The following SMC3 variants were observed in gnomAD, a reference collection of about 807,000 sequenced individuals.
SMC3 encodes structural maintenance of chromosomes 3, also known as structural maintenance of chromosomes protein 3.
A neutral mutation model predicts 171.8 loss-of-function variants in SMC3; 20 were observed. The ratio of observed to expected loss-of-function variants is 0.12; its 90% confidence interval spans 0.08 to 0.17. The LOEUF is 0.17. Among genes scored for constraint, SMC3 ranks in the 10% least tolerant of loss-of-function variants. The probability of loss-of-function intolerance (pLI) is 1.00; values close to 1 mark genes in which losing one functional copy is unlikely to be tolerated. For missense variants in SMC3, 543 were observed against 1,420.4 expected (o/e 0.38, Z 9.93); for synonymous variants, 464 against 451.1 (o/e 1.03, Z -0.36).
Position 110,567,774 on chromosome 10 carries a change from C to G in SMC3, c.-43C>G. On this transcript the variant is annotated 5_prime_UTR_variant, in exon 1 of 29. Coordinates refer to ENST00000361804, the MANE Select transcript of SMC3 (RefSeq NM_005445.4). ...ACCTGACCCTGCGGCCGTGCGGTTG[C>G]TGCTCCGGGGCAGGTCTCCTTCCAG... 5.6e-6 allele frequency: 9 copies of G among 1,612,982 alleles called. No individual in the cohort carries two copies. Among genetic ancestry groups the G allele is most frequent in the Non-Finnish European group, 7.6e-6 (9 of 1,179,502 alleles).
rs757119963 is a variant in SMC3 at position 110,601,036 on chromosome 10, G to A, written c.2550G>A (p.Leu850=). ...LDQVEQELNE[L]RETEGGTVLT... is the part of the protein sequence containing the mutation. The stretch of plus-strand genomic sequence containing the variant: ...TTTTGTTACAGGAACTTAATGAGCT[G>A]AGAGAGACAGAAGGGGGTACTGTTC... Residue 850 remains leucine, a synonymous_variant, in exon 23 of 29, where the codon CTG becomes CTA. Transcript: ENST00000361804. 24 of 1,612,880 alleles carry A rather than the reference G, an allele frequency of 1.5e-5. No homozygotes were observed. The highest frequency in any genetic ancestry group is 1.7e-5 in the Non-Finnish European group (20 of 1,179,068).
At chr10:110,592,263 CAAAA>C (rs58488395) in intron 17 of SMC3, among the ~76,000 whole-genome samples, 3 of 144,414 alleles carry the variant, frequency 2.1e-5, no homozygotes, top group Non-Finnish European at 4.5e-5. Context: ...GACTCCATCT[CAAAA>C]AAAAAAAAAA....
At chr10:110,585,846 G>A (rs1310852201) in intron 13 of SMC3, among the ~76,000 whole-genome samples, 4 of 151,802 alleles carry the variant, frequency 2.6e-5, no homozygotes, top group Non-Finnish European at 5.9e-5. Flanking sequence ...CGCCCAGGCT[G>A]GAGTGCAGTG....
chr10:110,603,685 T>G (rs1275501592), intron 28 of SMC3, among the ~76,000 whole-genome samples: 5 of 152,238 alleles, frequency 3.3e-5, no homozygotes, highest in Non-Finnish European at 5.9e-5. Flanking sequence ...AGGCATGATA[T>G]TTATTTCTTC....
At chr10:110,570,842 A>G (rs1860860595) in intron 2 of SMC3, among the ~76,000 whole-genome samples, 1 of 152,192 alleles carries the variant, frequency 6.6e-6, no homozygotes, top group Non-Finnish European at 1.5e-5. Flanking sequence ...ACCCAAGATA[A>G]CAGTACTGAT....
At position 110,577,446 on chromosome 10, in the gene SMC3, C is replaced by T; in HGVS notation, c.224C>T (p.Ser75Phe). ...GAAGGTACTGGTCCTCGTGTTATTTCTGCTTTTGTGGAGATTATTTTTGAT... is the reference window on the plus strand; with the variant it reads ...GAAGGTACTGGTCCTCGTGTTATTTTTGCTTTTGTGGAGATTATTTTTGAT... ...LHEGTGPRVI[S>F]AFVEIIFDNS... The change falls in exon 5 of 29, where the codon TCT becomes TTT. Residue 75 changes from serine (S) to phenylalanine (F), a missense_variant. This residue lies in a region of SMC3 where 146 missense variants were observed against 437.9 expected (regional missense o/e 0.33). Transcript: ENST00000361804. The T allele has an allele frequency of 6.2e-7, 1 of 1,613,102 alleles. No individual in the cohort carries two copies. The highest frequency in any genetic ancestry group is 8.5e-7 in the Non-Finnish European group (1 of 1,179,330).
At position 110,588,430 on chromosome 10, in the gene SMC3, A is replaced by G. The variant is rs572521189; in HGVS notation, c.1306-1175A>G. 3.3e-5 allele frequency among the ~76,000 whole-genome samples: 5 copies of G among 152,332 alleles called. No individual in the cohort carries two copies. In the East Asian group the frequency reaches 9.6e-4, roughly 29 times the overall value. Reference sequence around the variant, plus strand: ...TGAATAATTGTCAGTACTCTGTGGGAATATTTACAATTACTTTGATATCTG... The same window carrying G: ...TGAATAATTGTCAGTACTCTGTGGGGATATTTACAATTACTTTGATATCTG... On this transcript the variant is annotated intron_variant, in intron 13 of 28. Coordinates refer to ENST00000361804, the MANE Select transcript of SMC3 (RefSeq NM_005445.4).
Position 110,603,175 on chromosome 10 carries a change from T to C in SMC3, c.3476-9T>C. On this transcript the variant is annotated splice_polypyrimidine_tract_variant and intron_variant, in intron 27 of 28. Transcript: ENST00000361804. ...AGAAATTTGTTAAAGCACAATTTTC[T>C]TTTTACAGATATGATTATGGAACTT... 1 of 1,596,118 alleles carries C rather than the reference T, an allele frequency of 6.3e-7. No homozygotes were observed. Among genetic ancestry groups the C allele is most frequent in the Non-Finnish European group, 8.6e-7 (1 of 1,165,110 alleles).
chr10:110,574,348 A>G (rs746620850), intron 3 of SMC3, among the ~76,000 whole-genome samples: 45 of 152,216 alleles, frequency 3.0e-4, no homozygotes, highest in Non-Finnish European at 3.8e-4. Flanking sequence ...TCTGTTAACA[A>G]ATCCTTTGAG....
At position 110,604,979 on chromosome 10, in the gene SMC3, A is replaced by G. The variant is rs1242925073; in HGVS notation, c.*677A>G. ...CTTACATCTCCTCTAGTCTGTGACA[A>G]TTTCTCTGTCATTGTTTATCATATC... On this transcript the variant is annotated 3_prime_UTR_variant, in exon 29 of 29. Transcript: ENST00000361804. Among the ~76,000 whole-genome samples, 1 of 152,132 alleles carries G rather than the reference A, an allele frequency of 6.6e-6. No homozygotes were observed. Among genetic ancestry groups the G allele is most frequent in the Non-Finnish European group, 1.5e-5 (1 of 68,018 alleles).
intron 3 of SMC3, 59 bp from the exon 4 acceptor site, chr10:110,575,277 T>A: frequency 1.6e-6 from 2 of 1,259,542 alleles, no homozygotes; most frequent in East Asian, 4.6e-5. Context: ...TGTGGGAAGT[T>A]ATAAATAAGT....
chr10:110,600,560 T>C lies in SMC3; in HGVS notation c.2535+14T>C, dbSNP rs756350787. ...CAAGTAGAACAGGTGTGTATGTGTT[T>C]TTTTTTTTTTTTTTAAGGGCTCCTT... On this transcript the variant is annotated intron_variant, in intron 22 of 28. Transcript: ENST00000361804. The C allele has an allele frequency of 3.2e-6, 4 of 1,251,630 alleles. No homozygotes were observed. The South Asian group carries it at 5.1e-5, about 16-fold the overall frequency. The allele number at this position is 1,251,630 out of a possible 1,614,324, so 77.5% of individuals were successfully genotyped here. A position where few individuals can be genotyped will look rare whatever the true frequency, so the allele number is the denominator to read the frequency against.
At chr10:110,579,265 G>A (rs1303741047) in intron 7 of SMC3, among the ~76,000 whole-genome samples, 1 of 151,792 alleles carries the variant, frequency 6.6e-6, no homozygotes, top group Non-Finnish European at 1.5e-5. Flanking sequence ...TTATACTGTA[G>A]GCCTTTTTTT....
chr10:110,573,396 C>T (rs1590549235), intron 2 of SMC3, among the ~76,000 whole-genome samples: 1 of 149,250 alleles, frequency 6.7e-6, no homozygotes, highest in African/African-American at 2.4e-5. Context: ...ATTATATATC[C>T]ATTGTAATAT....
intron 6 of SMC3, 66 bp downstream of exon 6, chr10:110,577,980 G>T: frequency 9.2e-7 from 1 of 1,089,278 alleles, no homozygotes; most frequent in Non-Finnish European, 1.4e-6. Flanking sequence ...GTATTGCTGT[G>T]TTGGCCAGGT....
In SMC3 at chr10:110,600,557, GTT is replaced by G. The variant is rs397847637; in HGVS notation, c.2535+27_2535+28del. 10,091 of 964,348 alleles carry G rather than the reference GTT, an allele frequency of 0.01. 1 individual carries two copies. Among genetic ancestry groups the G allele is most frequent in the East Asian group, 0.019 (741 of 38,920 alleles). The allele number at this position is 964,348 out of a possible 1,614,324, so 59.7% of individuals were successfully genotyped here. On this transcript the variant is annotated intron_variant, in intron 22 of 28. Coordinates refer to ENST00000361804, the MANE Select transcript of SMC3 (RefSeq NM_005445.4). ...GACCAAGTAGAACAGGTGTGTATGT[GTT>G]TTTTTTTTTTTTTTTAAGGGCTCCT...
rs748082231 is a variant in SMC3, at chr10:110,599,768, A to G, written c.2383A>G (p.Lys795Glu). 9.9e-6 allele frequency: 16 copies of G among 1,614,024 alleles called. No homozygotes were observed. The highest frequency in any genetic ancestry group is 1.3e-5 in the Non-Finnish European group (15 of 1,180,012). Residue 795 changes from lysine to glutamate, a missense_variant, in exon 21 of 29, where the codon AAG becomes GAG. Around this residue, in one of 8 missense-constraint regions of SMC3, gnomAD observed 218 missense variants for 509.6 expected, o/e 0.43. Coordinates refer to ENST00000361804, the MANE Select transcript of SMC3 (RefSeq NM_005445.4). ...LLSQLSLEDQ[K>E]RVDALNDEIR... The stretch of plus-strand genomic sequence containing the variant: ...TTCTCAACTGAGTTTGGAAGATCAG[A>G]AGAGAGTAGATGCACTGAATGATGA...
At chr10:110,588,682 T>A (rs1172294594) in intron 13 of SMC3, among the ~76,000 whole-genome samples, 1 of 152,206 alleles carries the variant, frequency 6.6e-6, no homozygotes, top group East Asian at 1.9e-4. Flanking sequence ...AAGTGTCAGC[T>A]TCCTTAAACT....
intron 3 of SMC3, 67 bp downstream of exon 3, chr10:110,573,812 C>A: frequency 1.9e-6 from 2 of 1,073,810 alleles, no homozygotes; most frequent in African/African-American, 1.6e-5. Context: ...TTATTAAAAT[C>A]ATTAATTTTC....
Sources: gnomAD v4.1 joint callset for allele counts (sites outside exome capture counted in the v4.1 genomes callset) on GRCh38, gnomAD v4.1.1 for gene constraint, gnomAD v4.1.1 regional missense constraint, MANE v1.5 for transcripts, NCBI Gene and HGNC (gene_info 2026-07-23, HGNC 2026-07-21) for gene names.